Variants in PTPRN2 observed in about 807,000 individuals in gnomAD.
PTPRN2 encodes receptor-type tyrosine-protein phosphatase N2.
PTPRN2 carries 74 observed loss-of-function variants against 118.8 expected under a neutral mutation model. The ratio of observed to expected loss-of-function variants is 0.62; its 90% confidence interval spans 0.52 to 0.76. The LOEUF (loss-of-function observed/expected upper bound fraction) is 0.76, where lower values mean the gene tolerates loss of function less well. Among genes scored for constraint, PTPRN2 ranks in the 30% least tolerant of loss-of-function variants. The probability of loss-of-function intolerance (pLI) is 0.00; values close to 1 mark genes in which losing one functional copy is unlikely to be tolerated. For missense variants in PTPRN2, 1,481 were observed against 1,394.4 expected, an observed-to-expected ratio of 1.06 and a Z score of -0.99; for synonymous variants, 641 against 608.0, an observed-to-expected ratio of 1.05 and a Z score of -0.80.
intron 11 of PTPRN2, among the ~76,000 whole-genome samples, chr7:158,047,631 C>T (rs897793939): frequency 6.6e-6 from 1 of 152,210 alleles, no homozygotes; most frequent in Non-Finnish European, 1.5e-5. Context: ...GTGAGGGCTG[C>T]CTGCAGTCAC....
At position 158,546,032 on chromosome 7, in the gene PTPRN2, T is replaced by C. The variant is rs1468939338; in HGVS notation, c.112+41526A>G. Among the ~76,000 whole-genome samples, 1 of 152,098 alleles carries C rather than the reference T, an allele frequency of 6.6e-6. No individual in the cohort carries two copies. The highest frequency in any genetic ancestry group is 2.4e-5 in the African/African-American group (1 of 41,414). ...AATTCAAATCTTAATTACAGGACTTTCAAAATTCCAGGAGGTAATTTACCT... is the reference window on the plus strand; with the variant it reads ...AATTCAAATCTTAATTACAGGACTTCCAAAATTCCAGGAGGTAATTTACCT... On this transcript the variant is annotated intron_variant, in intron 1 of 22. Transcript: ENST00000389418. The surrounding 1 kb of genome is among the most constrained non-coding windows in gnomAD (Gnocchi z 5.0).
chr7:157,728,715 G>A (rs1389530965), intron 12 of PTPRN2, among the ~76,000 whole-genome samples: 1 of 152,184 alleles, frequency 6.6e-6, no homozygotes, highest in Non-Finnish European at 1.5e-5. Flanking sequence ...AAGGTAAAAT[G>A]TCTTAGACTA....
chr7:158,535,291 C>T (rs1184180967), intron 1 of PTPRN2, among the ~76,000 whole-genome samples: 1 of 152,198 alleles, frequency 6.6e-6, no homozygotes, highest in African/African-American at 2.4e-5. Context: ...GAGCCAACCA[C>T]ACCTAATGTC....
At chr7:157,895,680 C>T (rs1374722893) in intron 12 of PTPRN2, among the ~76,000 whole-genome samples, 2 of 150,814 alleles carry the variant, frequency 1.3e-5, no homozygotes, top group South Asian at 2.1e-4. Context: ...CGTGTAGCAT[C>T]GAGGGAGGGA....
At position 157,845,435 on chromosome 7, in the gene PTPRN2, C is replaced by T. The variant is rs1305023565; in HGVS notation, c.1788+53238G>A. On this transcript the variant is annotated intron_variant, in intron 12 of 22. Coordinates refer to ENST00000389418, the MANE Select transcript of PTPRN2 (RefSeq NM_002847.5). The surrounding 1 kb of genome is among the most constrained non-coding windows in gnomAD (Gnocchi z 4.5). ...TTACTGGCCTAACTCACCATGTTCC[C>T]GGCCATACCCCAGTGAACCACACAG... is the stretch of plus-strand genomic sequence containing the variant. Among the ~76,000 whole-genome samples, 1 of 151,816 alleles carries T rather than the reference C, an allele frequency of 6.6e-6. No individual in the cohort carries two copies. Among genetic ancestry groups the T allele is most frequent in the Non-Finnish European group, 1.5e-5 (1 of 67,972 alleles).
chr7:158,475,242 C>A (rs1036118268), intron 2 of PTPRN2, among the ~76,000 whole-genome samples: 1 of 152,084 alleles, frequency 6.6e-6, no homozygotes, highest in African/African-American at 2.4e-5. Context: ...CCCCGAAGGG[C>A]CCCGAGGACT....
intron 11 of PTPRN2, among the ~76,000 whole-genome samples, chr7:157,979,698 C>G (rs1462784022): frequency 6.6e-6 from 1 of 152,230 alleles, no homozygotes; most frequent in Non-Finnish European, 1.5e-5. Context: ...CTGACAACGC[C>G]TGCTTATGTA....
At chr7:158,095,766 C>A (rs978447688) in intron 10 of PTPRN2, among the ~76,000 whole-genome samples, 1 of 152,176 alleles carries the variant, frequency 6.6e-6, no homozygotes, top group African/African-American at 2.4e-5. Flanking sequence ...TTTGCAGAGA[C>A]GAGGTCTTGC....
chr7:158,274,881 C>G (rs886980338), intron 3 of PTPRN2, among the ~76,000 whole-genome samples: 3 of 152,172 alleles, frequency 2.0e-5, no homozygotes, highest in Admixed American at 6.5e-5. Context: ...TTATTTGCTA[C>G]TTGACAAAGA....
intron 12 of PTPRN2, among the ~76,000 whole-genome samples, chr7:157,759,673 T>C (rs868245870): frequency 6.6e-6 from 1 of 152,248 alleles, no homozygotes; most frequent in East Asian, 1.9e-4. Context: ...GTCAATGATG[T>C]TGGTGTTCAG....
At chr7:158,188,045 C>T (rs1206620784) in intron 5 of PTPRN2, among the ~76,000 whole-genome samples, 3 of 151,912 alleles carry the variant, frequency 2.0e-5, no homozygotes, top group African/African-American at 4.8e-5. Flanking sequence ...CACCCAGCAG[C>T]CCTGGGGAGC....
At chr7:158,474,069 A>G (rs997733797) in intron 2 of PTPRN2, among the ~76,000 whole-genome samples, 2 of 152,176 alleles carry the variant, frequency 1.3e-5, no homozygotes, top group Non-Finnish European at 2.9e-5. Context: ...AAAGCAGGCT[A>G]TAAGCAAATG....
intron 10 of PTPRN2, among the ~76,000 whole-genome samples, chr7:158,089,616 AG>A (rs1813846191): frequency 8.2e-6 from 1 of 121,596 alleles, no homozygotes; most frequent in African/African-American, 3.2e-5. Context: ...CCCTGATGAA[AG>A]AGGGAGTCTT....
intron 12 of PTPRN2, among the ~76,000 whole-genome samples, chr7:157,802,549 C>T (rs991837401): frequency 6.6e-6 from 1 of 152,214 alleles, no homozygotes; most frequent in African/African-American, 2.4e-5. Flanking sequence ...GGAGCGCACC[C>T]GTCACTTCGA....
intron 1 of PTPRN2, among the ~76,000 whole-genome samples, chr7:158,530,069 G>A (rs1825107913): frequency 1.3e-5 from 2 of 152,160 alleles, no homozygotes; most frequent in Non-Finnish European, 2.9e-5. Flanking sequence ...AAAACAGAGA[G>A]AATGCAAAAG....
At position 157,619,682 on chromosome 7, in the gene PTPRN2, C is replaced by G. The variant is rs1254560523; in HGVS notation, c.2344+1680G>C. On this transcript the variant is annotated intron_variant, in intron 15 of 22. Coordinates refer to ENST00000389418, the MANE Select transcript of PTPRN2 (RefSeq NM_002847.5). This position sits in a 1 kb window ranked among gnomAD's most constrained non-coding sequence, Gnocchi z 5.3. ...TGGGTAGCAAGAAGCGTGCACCCAGCTGGGTGAATGGGATTTTACACAGGT... is the reference window on the plus strand; with the variant it reads ...TGGGTAGCAAGAAGCGTGCACCCAGGTGGGTGAATGGGATTTTACACAGGT... 6.6e-6 allele frequency among the ~76,000 whole-genome samples: 1 copy of G among 152,202 alleles called. No individual in the cohort carries two copies. The highest frequency in any genetic ancestry group is 1.5e-5 in the Non-Finnish European group (1 of 68,036).
At chr7:158,394,116 A>G (rs1160032368) in intron 2 of PTPRN2, among the ~76,000 whole-genome samples, 2 of 117,260 alleles carry the variant, frequency 1.7e-5, no homozygotes, top group African/African-American at 6.7e-5. Flanking sequence ...AGACACCTGG[A>G]CCCCCTCTGT....
intron 21 of PTPRN2, among the ~76,000 whole-genome samples, chr7:157,564,879 A>G (rs1249436264): frequency 6.6e-6 from 1 of 152,236 alleles, no homozygotes; most frequent in Non-Finnish European, 1.5e-5. Context: ...ATTACTCACA[A>G]CAGCCCAAAG....
At chr7:158,499,210 G>C (rs1031403864) in intron 1 of PTPRN2, among the ~76,000 whole-genome samples, 1 of 152,078 alleles carries the variant, frequency 6.6e-6, no homozygotes, top group Non-Finnish European at 1.5e-5. Flanking sequence ...CCCACACTTT[G>C]ATGTGCATGT....
Sources: allele counts gnomAD v4.1 joint callset (sites outside exome capture counted in the v4.1 genomes callset), GRCh38; gene constraint gnomAD v4.1.1; non-coding constraint Gnocchi (gnomAD v3.1); transcripts MANE v1.5; gene names NCBI Gene and HGNC (gene_info 2026-07-23, HGNC 2026-07-21).